Variants in MTA3 observed in about 807,000 individuals in gnomAD.
The protein encoded by MTA3 is metastasis-associated protein MTA3.
A neutral mutation model predicts 83.5 loss-of-function variants in MTA3; 34 were observed. That is an observed-to-expected ratio of 0.41 (90% confidence interval 0.31 to 0.54). The LOEUF (loss-of-function observed/expected upper bound fraction) is 0.54. Among genes scored for constraint, MTA3 ranks in the 20% least tolerant of loss-of-function variants. MTA3 has a pLI of 0.33. For synonymous variants in MTA3, 303 were observed against 252.7 expected, an observed-to-expected ratio of 1.20 and a Z score of -1.89; for missense variants, 761 against 726.4, an observed-to-expected ratio of 1.05 and a Z score of -0.55.
At chr2:42,525,024 T>A (rs545055069) in intron 2 of MTA3, among the ~76,000 whole-genome samples, 1 of 151,246 alleles carries the variant, frequency 6.6e-6, no homozygotes, top group East Asian at 1.9e-4. Context: ...TTGTTACATA[T>A]GTATACATGT....
chr2:42,753,030 T>G (rs1670000459), intron 16 of MTA3, among the ~76,000 whole-genome samples: 1 of 151,992 alleles, frequency 6.6e-6, no homozygotes. Context: ...GCTCAAGCAG[T>G]CCTCCCCCCT....
intron 6 of MTA3, among the ~76,000 whole-genome samples, chr2:42,650,750 T>G (rs1283113714): frequency 6.6e-6 from 1 of 152,238 alleles, no homozygotes; most frequent in Non-Finnish European, 1.5e-5. Flanking sequence ...TTTATGGTAG[T>G]ACATACAACA....
At chr2:42,691,868 T>TA (rs1162387813) in intron 9 of MTA3, among the ~76,000 whole-genome samples, 6 of 152,224 alleles carry the variant, frequency 3.9e-5, no homozygotes, top group Non-Finnish European at 5.9e-5. Flanking sequence ...AGGTTTCCAT[T>TA]GAGAAGTCTG....
intron 16 of MTA3, among the ~76,000 whole-genome samples, chr2:42,725,634 C>G (rs575267605): frequency 2.6e-5 from 4 of 152,190 alleles, no homozygotes; most frequent in Non-Finnish European, 4.4e-5. Context: ...AGAGCCAGAA[C>G]GCAACCCAGA....
intron 8 of MTA3, among the ~76,000 whole-genome samples, chr2:42,675,424 C>T (rs185816044): frequency 2.6e-5 from 4 of 152,158 alleles, no homozygotes; most frequent in East Asian, 1.9e-4. Flanking sequence ...TGTGAGCCAC[C>T]GCACCCAGCC....
chr2:42,539,683 G>C (rs749748679), intron 2 of MTA3, among the ~76,000 whole-genome samples: 13 of 144,250 alleles, frequency 9.0e-5, no homozygotes, highest in Non-Finnish European at 1.9e-4. Context: ...CTGGACTCAA[G>C]TGATCCTCCC....
intron 13 of MTA3, 70 bp from the exon 14 acceptor site, chr2:42,708,804 C>A: frequency 6.6e-7 from 1 of 1,515,812 alleles, no homozygotes; most frequent in South Asian, 1.2e-5. Flanking sequence ...TTCTTTTGAG[C>A]ATGATGCAAA....
chr2:42,632,967 A>T (rs6716809), intron 4 of MTA3, among the ~76,000 whole-genome samples: 5,421 of 135,526 alleles, frequency 0.04, 125 homozygotes, highest in African/African-American at 0.077. Context: ...ACTCCTTTTT[A>T]AAAAAAAAAA....
At position 42,733,339 on chromosome 2, in the gene MTA3, A is replaced by C. The variant is rs1385102595; in HGVS notation, c.1759+10304A>C. On this transcript the variant is annotated intron_variant, in intron 16 of 16. Coordinates refer to ENST00000405094, the MANE Select transcript of MTA3 (RefSeq NM_001330442.2). ...CCTGATAAACTCATCAGATCTTGTG[A>C]GACTTTTTCACTATCATGAGAATAG... Among the ~76,000 whole-genome samples the C allele has an allele frequency of 2.6e-5, 4 of 152,302 alleles. No homozygotes were observed. In the East Asian group the frequency reaches 5.8e-4, roughly 22 times the overall value.
intron 4 of MTA3, among the ~76,000 whole-genome samples, chr2:42,638,467 C>T (rs1687394284): frequency 6.6e-6 from 1 of 151,850 alleles, no homozygotes; most frequent in Non-Finnish European, 1.5e-5. Flanking sequence ...CAGCTCAGTG[C>T]ACCCTAGACC....
chr2:42,719,835 A>G, intron 15 of MTA3, among the ~76,000 whole-genome samples: 1 of 152,232 alleles, frequency 6.6e-6, no homozygotes, highest in South Asian at 2.1e-4. Flanking sequence ...CAAAATTACT[A>G]TGCAATAATC....
At chr2:42,552,887 C>G (rs972755985) in intron 2 of MTA3, among the ~76,000 whole-genome samples, 1 of 150,692 alleles carries the variant, frequency 6.6e-6, no homozygotes, top group Non-Finnish European at 1.5e-5. Context: ...GAGGTGGAAG[C>G]TGCATTGAGC....
intron 1 of MTA3, chr2:42,569,376 G>C (rs1053116021): frequency 6.6e-6 from 1 of 152,286 alleles, no homozygotes; most frequent in Admixed American, 6.5e-5. Flanking sequence ...GTTGAGCTCT[G>C]CCTGGACGTT....
At chr2:42,642,010 AC>A (rs1395897544) in intron 5 of MTA3, among the ~76,000 whole-genome samples, 1 of 152,124 alleles carries the variant, frequency 6.6e-6, no homozygotes, top group Non-Finnish European at 1.5e-5. Flanking sequence ...CTGCACTTGT[AC>A]CCCCTAAATA....
In MTA3 at chr2:42,508,103, T is replaced by A. The variant is rs146700663; in HGVS notation, c.-141+12849T>A. 4.5e-4 allele frequency among the ~76,000 whole-genome samples: 68 copies of A among 152,306 alleles called. No homozygotes were observed. The East Asian group carries it at 0.013, about 29-fold the overall frequency. On this transcript the variant is annotated intron_variant, in intron 2 of 17. Coordinates refer to the MTA3 transcript ENST00000405592. Reference sequence around the variant, plus strand: ...CAGGCTGGGCACCTGCTGTTCCCTCTGCCTAGAGCACGAACACATTGTCCC... The same window carrying A: ...CAGGCTGGGCACCTGCTGTTCCCTCAGCCTAGAGCACGAACACATTGTCCC...
chr2:42,705,004 G>A (rs1167939285), intron 12 of MTA3, among the ~76,000 whole-genome samples: 1 of 152,190 alleles, frequency 6.6e-6, no homozygotes, highest in Admixed American at 6.5e-5. Context: ...GGTAGCCTGG[G>A]ATGGGAGAGG....
chr2:42,550,813 G>C (rs1677072878), intron 2 of MTA3, among the ~76,000 whole-genome samples: 1 of 152,080 alleles, frequency 6.6e-6, no homozygotes, highest in African/African-American at 2.4e-5. Context: ...AGGCCAAGGT[G>C]GGTGGATCAA....
intron 6 of MTA3, among the ~76,000 whole-genome samples, chr2:42,650,790 A>G (rs551996658): frequency 6.6e-6 from 1 of 152,322 alleles, no homozygotes; most frequent in South Asian, 2.1e-4. Flanking sequence ...CATATATTGT[A>G]ATCTTATCCA....
intron 8 of MTA3, among the ~76,000 whole-genome samples, chr2:42,667,621 AAG>A (rs70963342): frequency 0.02 from 2,278 of 114,028 alleles, 57 homozygotes; most frequent in African/African-American, 0.066. Context: ...TAGAGAGAGA[AAG>A]AGAGAGAGAG....
Sources: gnomAD v4.1 joint callset for allele counts (sites outside exome capture counted in the v4.1 genomes callset) on GRCh38, gnomAD v4.1.1 for gene constraint, MANE v1.5 for transcripts, NCBI Gene and HGNC (gene_info 2026-07-23, HGNC 2026-07-21) for gene names.